The following C4orf50 variants were observed in gnomAD, a reference collection of about 807,000 sequenced individuals.
C4orf50 encodes uncharacterized protein C4orf50.
A neutral mutation model predicts 77.2 loss-of-function variants in C4orf50; 80 were observed. The observed-to-expected ratio is 1.04, with a 90% CI of 0.87 to 1.25. The LOEUF (loss-of-function observed/expected upper bound fraction) is 1.25. Among genes scored for constraint, C4orf50 ranks in the 50% most tolerant of loss-of-function variants. C4orf50 has a pLI of 0.00. For synonymous variants in C4orf50, 532 were observed against 465.3 expected, an observed-to-expected ratio of 1.14 and a Z score of -1.84; for missense variants, 1,257 against 1,152.9, an observed-to-expected ratio of 1.09 and a Z score of -1.31.
intron 7 of C4orf50, among the ~76,000 whole-genome samples, chr4:5,928,512 G>T (rs931796398): frequency 6.6e-6 from 1 of 152,214 alleles, no homozygotes; most frequent in African/African-American, 2.4e-5. Context: ...GAAACCAGGA[G>T]GCAGATCTGT....
Position 6,007,889 on chromosome 4 carries a change from G to A in C4orf50, c.963+107C>T. The A allele has an allele frequency of 2.5e-6, 1 of 398,542 alleles. No individual in the cohort carries two copies. Among genetic ancestry groups the A allele is most frequent in the Non-Finnish European group, 4.4e-6 (1 of 226,258 alleles). 24.7% of individuals were successfully genotyped at this position (398,542 alleles called of 1,614,324 possible). A position where few individuals can be genotyped will look rare whatever the true frequency, so the allele number is the denominator to read the frequency against. ...ACAGGGCTGGCAGGGTTAAACGGCT[G>A]TAGGAAGAGGAGCCCGGGGAATGGA... On this transcript the variant is annotated intron_variant, in intron 25 of 33. Transcript: ENST00000531445. The surrounding 1 kb of genome is among the most constrained non-coding windows in gnomAD (Gnocchi z 4.1).
rs139996517 is a variant in C4orf50 at position 5,970,990 on chromosome 4, C to A, written c.4104+2669G>T. Among the ~76,000 whole-genome samples, 724 of 152,296 alleles carry A rather than the reference C, an allele frequency of 4.8e-3. 3 individuals carry two copies. Among genetic ancestry groups the A allele is most frequent in the Non-Finnish European group, 6.6e-3 (446 of 68,006 alleles). On this transcript the variant is annotated intron_variant, in intron 31 of 33. Coordinates refer to ENST00000531445, the Ensembl canonical transcript of C4orf50. The surrounding 1 kb of genome is among the most constrained non-coding windows in gnomAD (Gnocchi z 4.3). Reference sequence around the variant, plus strand: ...CAGTTGGGACCCTAGCCAGCCCACGCCCCCTACCCAAAGGCAGGGGCCAGA... The same window carrying A: ...CAGTTGGGACCCTAGCCAGCCCACGACCCCTACCCAAAGGCAGGGGCCAGA...
intron 7 of C4orf50, among the ~76,000 whole-genome samples, chr4:5,945,131 C>T (rs1047684226): frequency 6.6e-6 from 1 of 152,170 alleles, no homozygotes; most frequent in Admixed American, 6.5e-5. Context: ...GAGGGTTTTG[C>T]GGCCCTTCCT....
At chr4:5,988,777 T>C (rs971338516) in exon 28 of C4orf50, 9 of 1,535,998 alleles carry the variant, frequency 5.9e-6, no homozygotes, top group Middle Eastern at 1.7e-4. Context: ...TAGAAGGTGC[T>C]CGTTCTCCCC....
chr4:5,923,356 C>G (rs1267895990), intron 7 of C4orf50: 2 of 154,270 alleles, frequency 1.3e-5, no homozygotes, highest in Admixed American at 1.3e-4. Context: ...AGTGTGAACT[C>G]TGGACCAAGC....
chr4:5,967,323 C>T, intron 32 of C4orf50, 91 bp downstream of exon 10: 1 of 966,772 alleles, frequency 1.0e-6, no homozygotes, highest in Non-Finnish European at 1.7e-6. Flanking sequence ...CGACAGTGGG[C>T]ATCTCCCCTC....
At chr4:5,984,393 A>G (rs990154637) in intron 28 of C4orf50, among the ~76,000 whole-genome samples, 3 of 152,248 alleles carry the variant, frequency 2.0e-5, no homozygotes, top group Non-Finnish European at 2.9e-5. Context: ...TGGTGTTAGC[A>G]GCAAAAACAA....
chr4:5,957,498 GGGTGGTT>G (rs938856741), exon 34 of C4orf50: 3 of 152,122 alleles, frequency 2.0e-5, no homozygotes, highest in Non-Finnish European at 4.4e-5. Context: ...GGAAGCCCTG[GGGTGGTT>G]GAACCAACAA....
chr4:5,935,369 A>T (rs746933906), intron 7 of C4orf50, among the ~76,000 whole-genome samples: 7 of 152,254 alleles, frequency 4.6e-5, no homozygotes, highest in Non-Finnish European at 8.8e-5. Flanking sequence ...TTCTAGGTGA[A>T]GAGAAAAAAG....
chr4:5,903,808 G>A (rs1017559299), intron 7 of C4orf50: 5 of 152,186 alleles, frequency 3.3e-5, no homozygotes, highest in Admixed American at 6.5e-5. Flanking sequence ...TAGAGTTTTA[G>A]AGAAACATAC....
chr4:5,947,423 G>A (rs1718531174), intron 7 of C4orf50, among the ~76,000 whole-genome samples: 1 of 152,214 alleles, frequency 6.6e-6, no homozygotes, highest in Non-Finnish European at 1.5e-5. Flanking sequence ...TACCATAGGA[G>A]GAAAAGACCT....
At chr4:5,993,712 G>A (rs1358490609) in intron 26 of C4orf50, among the ~76,000 whole-genome samples, 1 of 152,132 alleles carries the variant, frequency 6.6e-6, no homozygotes, top group African/African-American at 2.4e-5. Context: ...AGCTACTTGG[G>A]AGGCTGAGAC....
At chr4:6,002,085 AGT>A (rs1721854467) in intron 25 of C4orf50, among the ~76,000 whole-genome samples, 1 of 152,188 alleles carries the variant, frequency 6.6e-6, no homozygotes, top group African/African-American at 2.4e-5. Flanking sequence ...AGTTGAAAAT[AGT>A]GTTTTTGCAG....
chr4:5,997,899 A>G (rs1245564161), intron 25 of C4orf50, among the ~76,000 whole-genome samples: 3 of 152,200 alleles, frequency 2.0e-5, no homozygotes, highest in Admixed American at 1.3e-4. Flanking sequence ...GCTATAAGGG[A>G]GAGGAAAAAA....
intron 25 of C4orf50, among the ~76,000 whole-genome samples, chr4:5,998,144 T>C (rs562167788): frequency 5.9e-5 from 9 of 152,300 alleles, no homozygotes; most frequent in African/African-American, 2.2e-4. Context: ...ATATGTTCAT[T>C]TATACTCCTG....
chr4:5,945,544 G>A (rs1051616167), intron 7 of C4orf50, among the ~76,000 whole-genome samples: 1 of 152,148 alleles, frequency 6.6e-6, no homozygotes, highest in Non-Finnish European at 1.5e-5. Context: ...CAAGCAAAAT[G>A]AGTCGCAGGG....
rs767840464 is a variant in C4orf50, at chr4:5,922,429, G to T, written c.*2475-24241C>A. Reference sequence around the variant, plus strand: ...CACAGTAGTCAGCTTTCACTGACTTGGTCCAATTTGTCACTTACTTATCGA... The same window carrying T: ...CACAGTAGTCAGCTTTCACTGACTTTGTCCAATTTGTCACTTACTTATCGA... On this transcript the variant is annotated intron_variant, in intron 7 of 7. Transcript: ENST00000324058. Among the ~76,000 whole-genome samples, 3 of 152,190 alleles carry T rather than the reference G, an allele frequency of 2.0e-5. No homozygotes were observed. The East Asian group carries it at 5.8e-4, about 29-fold the overall frequency.
chr4:5,910,945 G>C (rs1383515199), intron 7 of C4orf50, among the ~76,000 whole-genome samples: 1 of 117,254 alleles, frequency 8.5e-6, no homozygotes, highest in Admixed American at 1.3e-4. Flanking sequence ...AGTCTCTGTC[G>C]CCCAGGCTGG....
Position 6,008,513 on chromosome 4 carries a change from G to C in C4orf50, c.446C>G (p.Ala149Gly). Reference sequence around the variant, plus strand: ...CCGCAGCCGCCACTGCTGCCGCCTGGCCACGCTCTCCTCCCGGATCTACAA... The same window carrying C: ...CCGCAGCCGCCACTGCTGCCGCCTGCCCACGCTCTCCTCCCGGATCTACAA... Residue 149 changes from alanine (A) to glycine (G), a missense_variant, in exon 25 of 34, where the codon GCC becomes GGC. By Grantham distance (60) the Ala-to-Gly change is moderately conservative. Coordinates refer to ENST00000531445, the Ensembl canonical transcript of C4orf50. This position sits in a 1 kb window ranked among gnomAD's most constrained non-coding sequence, Gnocchi z 6.0. 1 of 398,156 alleles carries C rather than the reference G, an allele frequency of 2.5e-6. No homozygotes were observed. Among genetic ancestry groups the C allele is most frequent in the Non-Finnish European group, 4.4e-6 (1 of 225,740 alleles). The allele number at this position is 398,156 out of a possible 1,614,324, so 24.7% of individuals were successfully genotyped here.
Sources: gnomAD v4.1 joint callset for allele counts (sites outside exome capture counted in the v4.1 genomes callset) on GRCh38, gnomAD v4.1.1 for gene constraint, Gnocchi (gnomAD v3.1) non-coding constraint, MANE v1.5 for transcripts, NCBI Gene and HGNC (gene_info 2026-07-23, HGNC 2026-07-21) for gene names.